KLC1: variants seen among roughly 807,000 people sequenced by gnomAD.
The protein encoded by KLC1 is kinesin light chain 1.
In KLC1, 30 loss-of-function variants were observed where a neutral mutation model predicts 84.2. The ratio of observed to expected loss-of-function variants is 0.36; its 90% CI spans 0.27 to 0.48. The LOEUF (loss-of-function observed/expected upper bound fraction) is 0.48, where lower values mean the gene tolerates loss of function less well. KLC1 is among the 20% of genes least tolerant of loss of function. The pLI is 0.99. For missense variants in KLC1, 499 were observed against 805.4 expected (o/e 0.62, Z 4.60); for synonymous variants, 289 against 293.3 (o/e 0.99, Z 0.15).
At chr14:103,653,598 G>A (rs2078629490) in intron 1 of KLC1, among the ~76,000 whole-genome samples, 1 of 152,220 alleles carries the variant, frequency 6.6e-6, no homozygotes, top group African/African-American at 2.4e-5. Flanking sequence ...TGGAATTATA[G>A]GAATGAGCCA....
chr14:103,647,315 C>G (rs896022083), intron 1 of KLC1, among the ~76,000 whole-genome samples: 1 of 152,030 alleles, frequency 6.6e-6, no homozygotes, highest in African/African-American at 2.4e-5. Context: ...CCTCCACTTT[C>G]CAGGTTCAAG....
intron 3 of KLC1, among the ~76,000 whole-genome samples, chr14:103,661,025 C>T (rs2079240712): frequency 6.6e-6 from 1 of 152,012 alleles, no homozygotes. Flanking sequence ...CTCTCCTTAC[C>T]CTTTCCAGAG....
intron 3 of KLC1, among the ~76,000 whole-genome samples, chr14:103,661,463 G>A (rs2079285608): frequency 6.6e-6 from 1 of 152,150 alleles, no homozygotes; most frequent in Admixed American, 6.6e-5. Flanking sequence ...TCCCAGACAG[G>A]AATATTCTAA....
intron 1 of KLC1, among the ~76,000 whole-genome samples, chr14:103,634,596 G>A (rs542060386): frequency 1.3e-5 from 2 of 152,230 alleles, no homozygotes; most frequent in African/African-American, 4.8e-5. Flanking sequence ...TGGGGAGTGG[G>A]TCTAAGAGGA....
intron 15 of KLC1, chr14:103,699,856 C>T (rs955990979): frequency 2.8e-5 from 14 of 498,610 alleles, no homozygotes; most frequent in African/African-American, 2.7e-4. Flanking sequence ...CCAACACCGT[C>T]CTCTGTAGAG....
intron 1 of KLC1, among the ~76,000 whole-genome samples, chr14:103,637,951 A>G (rs979265239): frequency 6.6e-6 from 1 of 152,136 alleles, no homozygotes; most frequent in African/African-American, 2.4e-5. Flanking sequence ...TTGGCCTCCC[A>G]AAGTGCTGGG....
At chr14:103,699,889 A>T (rs1448159692) in intron 15 of KLC1, 1 of 421,808 alleles carries the variant, frequency 2.4e-6, no homozygotes, top group Non-Finnish European at 4.5e-6. Flanking sequence ...CAGGCTCCTG[A>T]GTCCTTGCGG....
chr14:103,640,806 T>C (rs2077430517), intron 1 of KLC1, among the ~76,000 whole-genome samples: 3 of 152,352 alleles, frequency 2.0e-5, no homozygotes, highest in Non-Finnish European at 2.9e-5. Context: ...GTTGCAAAGA[T>C]AGTACAGAGA....
chr14:103,658,295 C>G (rs1318383815), intron 3 of KLC1, among the ~76,000 whole-genome samples: 1 of 152,204 alleles, frequency 6.6e-6, no homozygotes, highest in Non-Finnish European at 1.5e-5. Context: ...GAGTCTCGCT[C>G]TGTCACTCAG....
intron 15 of KLC1, chr14:103,695,551 G>A (rs2082399143): frequency 1.0e-6 from 1 of 985,316 alleles, no homozygotes; most frequent in African/African-American, 1.7e-5. Flanking sequence ...CTCCCTGTGA[G>A]GATGCTGAGC....
At chr14:103,644,660 G>A (rs2077762712) in intron 1 of KLC1, among the ~76,000 whole-genome samples, 1 of 152,126 alleles carries the variant, frequency 6.6e-6, no homozygotes, top group Non-Finnish European at 1.5e-5. Flanking sequence ...TTGGGAGGCC[G>A]AGGTAGGAGG....
At chr14:103,671,335 T>G (rs367697436) in intron 7 of KLC1, among the ~76,000 whole-genome samples, 28 of 152,184 alleles carry the variant, frequency 1.8e-4, no homozygotes, top group African/African-American at 6.5e-4. Flanking sequence ...TTATGAAGAT[T>G]CGGGTATTGG....
intron 1 of KLC1, among the ~76,000 whole-genome samples, chr14:103,636,563 G>A (rs960014230): frequency 1.3e-5 from 2 of 151,906 alleles, no homozygotes; most frequent in Non-Finnish European, 2.9e-5. Context: ...GGGTATAGTG[G>A]CATCTTGTTA....
At chr14:103,633,689 C>G (rs1282637348) in intron 1 of KLC1, among the ~76,000 whole-genome samples, 3 of 152,070 alleles carry the variant, frequency 2.0e-5, no homozygotes, top group African/African-American at 7.2e-5. Flanking sequence ...CACCCTGTCT[C>G]TTTTCATCTT....
intron 3 of KLC1, among the ~76,000 whole-genome samples, chr14:103,660,395 C>T (rs550422320): frequency 1.3e-5 from 2 of 151,028 alleles, no homozygotes; most frequent in East Asian, 2.0e-4. Context: ...GCAGGAGAAT[C>T]GCTTAAACCC....
At chr14:103,686,323 A>C (rs901836392) in intron 13 of KLC1, 1 of 609,348 alleles carries the variant, frequency 1.6e-6, no homozygotes, top group African/African-American at 2.0e-5. Context: ...GTGACAGTTC[A>C]TCTCACCAAG....
At chr14:103,651,671 G>T (rs1015894295) in intron 1 of KLC1, among the ~76,000 whole-genome samples, 2 of 152,178 alleles carry the variant, frequency 1.3e-5, no homozygotes, top group Admixed American at 6.6e-5. Context: ...ACTCCGTGCT[G>T]CTCCTCTAGC....
At chr14:103,668,070 T>G (rs796249512) in intron 5 of KLC1, among the ~76,000 whole-genome samples, 14 of 152,368 alleles carry the variant, frequency 9.2e-5, no homozygotes, top group African/African-American at 2.4e-4. Flanking sequence ...AAATATTTTT[T>G]CAGTATACAT....
chr14:103,648,111 T>C (rs4570760), intron 1 of KLC1, among the ~76,000 whole-genome samples: 141,629 of 151,672 alleles, frequency 0.93, 66,371 homozygotes, highest in East Asian at 0.98. Context: ...CCACCACGCC[T>C]GGCTAATTTT....
Sources: allele counts gnomAD v4.1 joint callset (sites outside exome capture counted in the v4.1 genomes callset), GRCh38; gene constraint gnomAD v4.1.1; transcripts MANE v1.5; gene names NCBI Gene and HGNC (gene_info 2026-07-23, HGNC 2026-07-21).